The following PRIM2 variants were observed in gnomAD, a reference collection of about 807,000 sequenced individuals.
PRIM2 encodes the protein DNA primase subunit 2, also known as DNA primase large subunit.
PRIM2 carries 39 observed loss-of-function variants against 67.3 expected under a neutral mutation model. That is an observed-to-expected ratio of 0.58 (90% CI 0.45 to 0.76). The LOEUF (loss-of-function observed/expected upper bound fraction) is 0.76. PRIM2 is among the 30% of genes least tolerant of loss of function. The pLI, the probability that PRIM2 is intolerant of heterozygous loss-of-function variation, is 0.00. For synonymous variants in PRIM2, 143 were observed against 198.7 expected (o/e 0.72, Z 2.36); for missense variants, 398 against 598.7 (o/e 0.66, Z 3.50).
chr6:57,286,583 C>T, the PRIM2 span, among the ~76,000 whole-genome samples: 1 of 152,138 alleles, frequency 6.6e-6, no homozygotes, highest in Admixed American at 6.5e-5. Context: ...GGATCCATGC[C>T]TTACACCTTA....
At chr6:57,274,706 C>A in the PRIM2 span, among the ~76,000 whole-genome samples, 8 of 152,374 alleles carry the variant, frequency 5.3e-5, no homozygotes, top group African/African-American at 1.9e-4. Flanking sequence ...GCAGAAATCA[C>A]CTATCTTCTG....
At chr6:57,588,152 A>G (rs1264106336) in intron 10 of PRIM2, among the ~76,000 whole-genome samples, 5 of 152,176 alleles carry the variant, frequency 3.3e-5, no homozygotes, top group African/African-American at 7.2e-5. Context: ...AGGAAGACTC[A>G]GGGGTGGGTA....
chr6:57,306,176 G>C, the PRIM2 span, among the ~76,000 whole-genome samples: 3 of 152,124 alleles, frequency 2.0e-5, no homozygotes, highest in Non-Finnish European at 4.4e-5. Flanking sequence ...TTACCATATG[G>C]ATAAACTTGA....
chr6:57,326,278 A>G (rs1197409611), intron 5 of PRIM2: 2 of 370,038 alleles, frequency 5.4e-6, no homozygotes, highest in African/African-American at 2.1e-5. Flanking sequence ...TGTGTGCTTT[A>G]TTAAAGCACA....
At chr6:57,493,989 TAGTC>T (rs1320134370) in intron 7 of PRIM2, 1 of 152,212 alleles carries the variant, frequency 6.6e-6, no homozygotes, top group African/African-American at 2.4e-5. Flanking sequence ...TATTGGAAAG[TAGTC>T]AGTCAACTGT....
chr6:57,579,341 G>T, intron 10 of PRIM2, among the ~76,000 whole-genome samples: 1 of 152,060 alleles, frequency 6.6e-6, no homozygotes, highest in Non-Finnish European at 1.5e-5. Context: ...GAACAGTCTG[G>T]CTTGTCACAG....
At chr6:57,343,725 C>T (rs9382703) in intron 5 of PRIM2, among the ~76,000 whole-genome samples, 7 of 152,018 alleles carry the variant, frequency 4.6e-5, no homozygotes, top group African/African-American at 1.7e-4. Flanking sequence ...TTAGGAGGAA[C>T]GGGATTAATA....
chr6:57,323,619 C>G (rs115301830), intron 3 of PRIM2, among the ~76,000 whole-genome samples: 1,558 of 151,876 alleles, frequency 0.01, 28 homozygotes, highest in African/African-American at 0.034. Context: ...ACACCAGGGC[C>G]TGTCAGGGGG....
intron 7 of PRIM2, among the ~76,000 whole-genome samples, chr6:57,387,279 GT>G (rs1397423054): frequency 6.6e-6 from 1 of 152,162 alleles, no homozygotes; most frequent in Non-Finnish European, 1.5e-5. Flanking sequence ...TTAGTGGTCA[GT>G]AAAATTTTAT....
At chr6:57,546,047 A>C (rs1418116007) in intron 10 of PRIM2, among the ~76,000 whole-genome samples, 4 of 152,236 alleles carry the variant, frequency 2.6e-5, no homozygotes, top group African/African-American at 9.6e-5. Flanking sequence ...GATAGGGTCA[A>C]TTGGTAACTG....
chr6:57,419,819 C>G (rs1771404556), intron 7 of PRIM2, among the ~76,000 whole-genome samples: 1 of 152,160 alleles, frequency 6.6e-6, no homozygotes, highest in East Asian at 1.9e-4. Flanking sequence ...GTTACTCCCA[C>G]CAATATAGAA....
chr6:57,542,429 G>A (rs1775180076), intron 10 of PRIM2, among the ~76,000 whole-genome samples: 1 of 152,174 alleles, frequency 6.6e-6, no homozygotes, highest in African/African-American at 2.4e-5. Flanking sequence ...TGAGTACTAA[G>A]TCTTTGGCTT....
intron 8 of PRIM2, among the ~76,000 whole-genome samples, chr6:57,529,316 A>G (rs1774836014): frequency 6.6e-6 from 1 of 152,114 alleles, no homozygotes; most frequent in African/African-American, 2.4e-5. Context: ...TCCGTCTCAA[A>G]AAAAAAAAAC....
intron 8 of PRIM2, among the ~76,000 whole-genome samples, chr6:57,514,713 C>T (rs1784442054): frequency 4.0e-5 from 6 of 151,870 alleles, no homozygotes; most frequent in African/African-American, 1.5e-4. Flanking sequence ...TGTGAATAGT[C>T]AGCATTTTGT....
At chr6:57,386,417 CAAAAAAAAAAAAA>C (rs71299586) in intron 7 of PRIM2, among the ~76,000 whole-genome samples, 1 of 53,958 alleles carries the variant, frequency 1.9e-5, no homozygotes, top group Non-Finnish European at 4.4e-5. Context: ...TACCCTGTCT[CAAAAAAAAAAAAA>C]AAAAAAAAAG....
At chr6:57,262,588 T>C in the PRIM2 span, among the ~76,000 whole-genome samples, 4 of 152,124 alleles carry the variant, frequency 2.6e-5, no homozygotes, top group Non-Finnish European at 5.9e-5. Flanking sequence ...CTGTCCATCA[T>C]GAGAACACAG....
Position 57,378,172 on chromosome 6 carries a change from C to T in PRIM2, c.460-1729C>T, listed in dbSNP as rs1769835149. 2.0e-5 allele frequency among the ~76,000 whole-genome samples: 3 copies of T among 151,752 alleles called. No homozygotes were observed. The South Asian group carries it at 6.3e-4, about 32-fold the overall frequency. ...AACTCCTGGGCTCAAGCAATCCTCC[C>T]ACCTTAGCCTCCCAAGTAGCTGAGA... On this transcript the variant is annotated intron_variant, in intron 5 of 13. Transcript: ENST00000615550.
At chr6:57,421,434 C>G (rs1771465022) in intron 7 of PRIM2, among the ~76,000 whole-genome samples, 1 of 152,136 alleles carries the variant, frequency 6.6e-6, no homozygotes, top group Non-Finnish European at 1.5e-5. Flanking sequence ...TTTAATGAAG[C>G]AACAGCTCTC....
At chr6:57,592,506 A>T (rs1776297746) in intron 10 of PRIM2, among the ~76,000 whole-genome samples, 1 of 152,056 alleles carries the variant, frequency 6.6e-6, no homozygotes, top group Admixed American at 6.5e-5. Flanking sequence ...TGAAAATAGG[A>T]GTAGTAGGCC....
Sources: allele counts gnomAD v4.1 joint callset (sites outside exome capture counted in the v4.1 genomes callset), GRCh38; gene constraint gnomAD v4.1.1; transcripts MANE v1.5; gene names NCBI Gene and HGNC (gene_info 2026-07-23, HGNC 2026-07-21).